The following FGF6 variants were observed in gnomAD, a reference collection of about 807,000 sequenced individuals.
FGF6 encodes FGF-6.
A neutral mutation model predicts 18.4 loss-of-function variants in FGF6; 14 were observed. The ratio of observed to expected loss-of-function variants is 0.76; its 90% CI spans 0.50 to 1.19. FGF6 has a LOEUF of 1.19. FGF6 is among the 50% of genes most tolerant of loss of function. FGF6 has a pLI of 0.00. For missense variants in FGF6, 266 were observed against 271.6 expected (o/e 0.98, Z 0.15); for synonymous variants, 125 against 116.7 (o/e 1.07, Z -0.46).
chr12:4,442,190 A>G (rs1190502599), intron 2 of FGF6, among the ~76,000 whole-genome samples: 1 of 151,100 alleles, frequency 6.6e-6, no homozygotes. Flanking sequence ...CCCCCTTTGA[A>G]GTCATCAGCC....
chr12:4,435,701 C>T (rs1321877832), intron 2 of FGF6, among the ~76,000 whole-genome samples: 1 of 152,150 alleles, frequency 6.6e-6, no homozygotes, highest in Non-Finnish European at 1.5e-5. Context: ...TGTGTGTGGA[C>T]CACCTGTTCA....
intron 2 of FGF6, 95 bp from the exon 3 acceptor site, chr12:4,434,486 G>A (rs1865605980): frequency 2.5e-6 from 3 of 1,189,464 alleles, no homozygotes; most frequent in East Asian, 2.3e-5. Flanking sequence ...CCTCTGCCAG[G>A]TGCCCTTCCC....
chr12:4,438,588 G>A (rs1231505815), intron 2 of FGF6, among the ~76,000 whole-genome samples: 6 of 151,584 alleles, frequency 4.0e-5, no homozygotes, highest in African/African-American at 9.7e-5. Context: ...TGGTGAAACC[G>A]CATCTCTACC....
intron 2 of FGF6, among the ~76,000 whole-genome samples, chr12:4,437,228 T>C (rs911353030): frequency 6.6e-6 from 1 of 152,232 alleles, no homozygotes; most frequent in Non-Finnish European, 1.5e-5. Context: ...AAATTAGTAG[T>C]ACTAGTATTC....
At chr12:4,443,953 T>A (rs1865723960) in intron 2 of FGF6, among the ~76,000 whole-genome samples, 180 bp downstream of exon 2, 1 of 152,098 alleles carries the variant, frequency 6.6e-6, no homozygotes, top group Non-Finnish European at 1.5e-5. Context: ...CAGAGGACAA[T>A]CACCCGTGAG....
At chr12:4,439,289 T>A (rs1272010103) in intron 2 of FGF6, among the ~76,000 whole-genome samples, 1 of 152,174 alleles carries the variant, frequency 6.6e-6, no homozygotes, top group Non-Finnish European at 1.5e-5. Flanking sequence ...GCCTCCCCCC[T>A]GTTCTAACTT....
chr12:4,444,776 G>C (rs1359609620), intron 1 of FGF6, among the ~76,000 whole-genome samples: 1 of 152,164 alleles, frequency 6.6e-6, no homozygotes, highest in African/African-American at 2.4e-5. Flanking sequence ...GGGACAGAGG[G>C]AGCCGCTGAA....
chr12:4,438,664 G>A lies in FGF6; in HGVS notation c.451-4273C>T, dbSNP rs577448948. On this transcript the variant is annotated intron_variant, in intron 2 of 2. Coordinates refer to ENST00000228837, the MANE Select transcript of FGF6 (RefSeq NM_020996.3). ...TAGTCCCAGCTACTTGGGAGGCTAA[G>A]GCAGGGGAATCTCTTGGACCGGGGA... Among the ~76,000 whole-genome samples, 14 of 147,858 alleles carry A rather than the reference G, an allele frequency of 9.5e-5. No homozygotes were observed. In the East Asian group the frequency reaches 2.7e-3, roughly 28 times the overall value.
chr12:4,444,051 C>T (rs1379501254), intron 2 of FGF6, 82 bp downstream of exon 2: 1 of 892,380 alleles, frequency 1.1e-6, no homozygotes, highest in Non-Finnish European at 1.8e-6. Flanking sequence ...CACTTCTCTA[C>T]TCAGGACTTC....
intron 2 of FGF6, among the ~76,000 whole-genome samples, chr12:4,438,576 CA>C (rs1363109738): frequency 6.6e-6 from 1 of 151,910 alleles, no homozygotes; most frequent in African/African-American, 2.4e-5. Flanking sequence ...TCCTGGTCAA[CA>C]TGGTGAAACC....
chr12:4,441,989 G>A (rs1238267477), intron 2 of FGF6, among the ~76,000 whole-genome samples: 7 of 151,976 alleles, frequency 4.6e-5, no homozygotes, highest in East Asian at 1.9e-4. Flanking sequence ...GTGCAGGCCC[G>A]GCTGGCCCTG....
intron 2 of FGF6, among the ~76,000 whole-genome samples, chr12:4,438,094 A>G (rs941932420): frequency 3.3e-5 from 5 of 152,218 alleles, no homozygotes; most frequent in Non-Finnish European, 7.3e-5. Context: ...AATGAACAGC[A>G]TTTATAAAAC....
At position 4,445,532 on chromosome 12, in the gene FGF6, C is replaced by T. The variant is rs745720163; in HGVS notation, c.39G>A (p.Arg13=). 6.2e-7 allele frequency: 1 copy of T among 1,609,386 alleles called. No individual in the cohort carries two copies. The highest frequency in any genetic ancestry group is 1.7e-5 in the Admixed American group (1 of 59,902). ...GCGTGCCCTGCAGACGTCCTGCTCC[C>T]CGGGACATAGTGATGAACAGTTTCT... ...LGQKLFITMS[R]GAGRLQGTLW... Residue 13 remains arginine, a synonymous_variant, in exon 1 of 3, where the codon CGG becomes CGA. Transcript: ENST00000228837. The surrounding 1 kb of genome is among the most constrained non-coding windows in gnomAD (Gnocchi z 5.5).
intron 2 of FGF6, among the ~76,000 whole-genome samples, chr12:4,437,171 A>G (rs1426251445): frequency 2.0e-5 from 3 of 151,324 alleles, no homozygotes; most frequent in Admixed American, 2.0e-4. Context: ...GAAATTATGC[A>G]TGGAAAGTCC....
rs1419606614 is a variant in FGF6, at chr12:4,445,249, C to T, written c.322G>A (p.Gly108Arg). ...LQVLPDGRIS[G>R]THEENPYSLL... Reference sequence around the variant, plus strand: ...CTGTAGGGGTTCTCCTCGTGGGTCCCGCTGATCCGGCCGTCGGGGAGCACC... The same window carrying T: ...CTGTAGGGGTTCTCCTCGTGGGTCCTGCTGATCCGGCCGTCGGGGAGCACC... The change falls in exon 1 of 3, where the codon GGG becomes AGG. Residue 108 changes from glycine to arginine, a missense_variant. Physicochemically the swap from Gly to Arg is moderately radical, Grantham distance 125. Transcript: ENST00000228837. The surrounding 1 kb of genome is among the most constrained non-coding windows in gnomAD (Gnocchi z 5.5). The T allele has an allele frequency of 5.0e-6, 8 of 1,612,576 alleles. No individual in the cohort carries two copies. Among genetic ancestry groups the T allele is most frequent in the African/African-American group, 2.7e-5 (2 of 74,878 alleles).
chr12:4,439,864 C>T (rs951584136), intron 2 of FGF6, among the ~76,000 whole-genome samples: 3 of 152,204 alleles, frequency 2.0e-5, no homozygotes, highest in Non-Finnish European at 2.9e-5. Context: ...GCCCTCAGCA[C>T]CCACATCTGT....
chr12:4,434,575 C>T (rs1865606939), intron 2 of FGF6, among the ~76,000 whole-genome samples, 184 bp from the exon 3 acceptor site: 1 of 152,020 alleles, frequency 6.6e-6, no homozygotes, highest in Non-Finnish European at 1.5e-5. Flanking sequence ...TGGGAAGAGG[C>T]TGCAGGCTCT....
intron 2 of FGF6, 151 bp from the exon 3 acceptor site, chr12:4,434,542 A>G: frequency 2.8e-6 from 2 of 703,758 alleles, no homozygotes; most frequent in South Asian, 3.5e-5. Context: ...ATCCTGGGTG[A>G]ACAGAATGGT....
At position 4,445,596 on chromosome 12, in the gene FGF6, C is replaced by A; in HGVS notation, c.-26G>T. 1 of 1,531,494 alleles carries A rather than the reference C, an allele frequency of 6.5e-7. No individual in the cohort carries two copies. The highest frequency in any genetic ancestry group is 1.2e-5 in the South Asian group (1 of 83,088). 94.9% of individuals were successfully genotyped at this position (1,531,494 alleles called of 1,614,324 possible). On this transcript the variant is annotated 5_prime_UTR_variant, in exon 1 of 3. Coordinates refer to ENST00000228837, the MANE Select transcript of FGF6 (RefSeq NM_020996.3). This position sits in a 1 kb window ranked among gnomAD's most constrained non-coding sequence, Gnocchi z 5.5. ...CCACCTTGCCTCTCAGGCACGTGGT[C>A]AGAATTAATGGCCCTAAAAATACCG...
Sources: gnomAD v4.1 joint callset for allele counts (sites outside exome capture counted in the v4.1 genomes callset) on GRCh38, gnomAD v4.1.1 for gene constraint, Gnocchi (gnomAD v3.1) non-coding constraint, MANE v1.5 for transcripts, NCBI Gene and HGNC (gene_info 2026-07-23, HGNC 2026-07-21) for gene names.